The following COBLL1 variants were observed in gnomAD, a reference collection of about 807,000 sequenced individuals.
The protein encoded by COBLL1 is cordon-bleu protein-like 1.
In COBLL1, 50 loss-of-function variants were observed where a neutral mutation model predicts 94.8. The ratio of observed to expected loss-of-function variants is 0.53; its 90% CI spans 0.42 to 0.67. The LOEUF is 0.67. Among genes scored for constraint, COBLL1 ranks in the 30% least tolerant of loss-of-function variants. COBLL1 has a pLI of 0.00. For missense variants in COBLL1, 1,362 were observed against 1,348.7 expected, an observed-to-expected ratio of 1.01 and a Z score of -0.15; for synonymous variants, 448 against 473.8, an observed-to-expected ratio of 0.95 and a Z score of 0.71.
At chr2:164,833,521 G>C (rs1328232512) in intron 2 of COBLL1, among the ~76,000 whole-genome samples, 1 of 150,354 alleles carries the variant, frequency 6.7e-6, no homozygotes, top group East Asian at 2.0e-4. Flanking sequence ...CGTTATCCCG[G>C]CTCACTGCAA....
At chr2:164,802,624 T>C (rs1340652230) in intron 2 of COBLL1, among the ~76,000 whole-genome samples, 1 of 152,220 alleles carries the variant, frequency 6.6e-6, no homozygotes, top group African/African-American at 2.4e-5. Flanking sequence ...CTGATAAAGT[T>C]AGAACATACA....
At chr2:164,788,054 G>A (rs1399564696) in intron 2 of COBLL1, among the ~76,000 whole-genome samples, 1 of 152,086 alleles carries the variant, frequency 6.6e-6, no homozygotes, top group African/African-American at 2.4e-5. Context: ...TAGCAGTCCG[G>A]GTGACTAGAT....
chr2:164,831,426 CT>C (rs1239745297), intron 2 of COBLL1, among the ~76,000 whole-genome samples: 1 of 150,416 alleles, frequency 6.6e-6, no homozygotes, highest in Non-Finnish European at 1.5e-5. Context: ...TTAAATTTTA[CT>C]TAAGTTATCT....
At chr2:164,698,835 A>G (rs1384821606) in intron 11 of COBLL1, among the ~76,000 whole-genome samples, 2 of 152,042 alleles carry the variant, frequency 1.3e-5, no homozygotes, top group Non-Finnish European at 2.9e-5. Flanking sequence ...TCTTTCAGAC[A>G]AAGACAACAT....
At chr2:164,700,788 T>C (rs897432825) in intron 9 of COBLL1, 32 bp from the exon 10 acceptor site, 2 of 1,326,078 alleles carry the variant, frequency 1.5e-6, no homozygotes, top group Admixed American at 3.9e-5. Flanking sequence ...ATCCTAAATA[T>C]TAATTTGCCT....
intron 2 of COBLL1, among the ~76,000 whole-genome samples, chr2:164,748,394 C>A (rs1257571031): frequency 6.6e-6 from 1 of 151,992 alleles, no homozygotes; most frequent in Non-Finnish European, 1.5e-5. Context: ...AAAATTGTCA[C>A]CCAAAGTTAA....
intron 2 of COBLL1, among the ~76,000 whole-genome samples, chr2:164,820,534 A>G (rs1429096587): frequency 6.6e-6 from 1 of 152,208 alleles, no homozygotes. Context: ...TGTTAATTTC[A>G]TAATACACAA....
intron 2 of COBLL1, among the ~76,000 whole-genome samples, chr2:164,821,847 A>G (rs1000799965): frequency 1.4e-4 from 21 of 152,218 alleles, no homozygotes; most frequent in African/African-American, 5.1e-4. Flanking sequence ...TTATATTTCA[A>G]AAACGATGAT....
chr2:164,710,869 A>G (rs1684864738), intron 7 of COBLL1, among the ~76,000 whole-genome samples: 1 of 152,088 alleles, frequency 6.6e-6, no homozygotes, highest in Admixed American at 6.6e-5. Context: ...GGCCAGCAGC[A>G]GCATTCTTAA....
chr2:164,773,211 T>C (rs983843553), intron 2 of COBLL1, among the ~76,000 whole-genome samples: 2 of 152,118 alleles, frequency 1.3e-5, no homozygotes, highest in Middle Eastern at 3.4e-3. Context: ...GTTAGCTTCA[T>C]AGGGTTCTCA....
chr2:164,809,890 G>T (rs1684375368), intron 2 of COBLL1, among the ~76,000 whole-genome samples: 1 of 146,184 alleles, frequency 6.8e-6, no homozygotes, highest in Admixed American at 6.8e-5. Context: ...CACAATTCTG[G>T]TAATTATTTA....
chr2:164,805,336 T>TATATTTATATATATATA (rs1559033598), intron 2 of COBLL1, among the ~76,000 whole-genome samples: 1 of 60,354 alleles, frequency 1.7e-5, no homozygotes, highest in African/African-American at 6.4e-5. Flanking sequence ...TCTCTCTCTC[T>TATATTTATATATATATA]CTATATATAT....
At chr2:164,752,464 A>G (rs1011857900) in intron 2 of COBLL1, among the ~76,000 whole-genome samples, 2 of 149,854 alleles carry the variant, frequency 1.3e-5, no homozygotes, top group Non-Finnish European at 3.0e-5. Flanking sequence ...CAGGTAGTGA[A>G]GGAGAAAAAA....
intron 7 of COBLL1, chr2:164,718,392 G>T (rs756906828): frequency 5.5e-5 from 13 of 236,818 alleles, no homozygotes; most frequent in Non-Finnish European, 8.9e-5. Flanking sequence ...GAAAAGGGAA[G>T]CCCTTTATGA....
chr2:164,763,789 A>G (rs192053687), intron 2 of COBLL1, among the ~76,000 whole-genome samples: 107 of 152,368 alleles, frequency 7.0e-4, no homozygotes, highest in African/African-American at 2.5e-3. Context: ...TCAAGATAAA[A>G]ATAAAAATGA....
In COBLL1 at chr2:164,730,105, T is replaced by G. The variant is rs1455688989; in HGVS notation, c.241A>C (p.Met81Leu). 6.2e-7 allele frequency: 1 copy of G among 1,613,174 alleles called. No individual in the cohort carries two copies. The highest frequency in any genetic ancestry group is 8.5e-7 in the Non-Finnish European group (1 of 1,179,226). Residue 81 changes from methionine to leucine, a missense_variant, in exon 4 of 14, where the codon ATG (methionine) becomes CTG (leucine). Transcript: ENST00000652658. ...STTVHGSKPM[M>L]DLLIFLCAQY... ...GCACAAAGGAATATCAACAAGTCCA[T>G]CATAGGTTTACTGTAAAACAAGAGT...
At chr2:164,691,757 C>T (rs927557176) in intron 13 of COBLL1, among the ~76,000 whole-genome samples, 7 of 152,196 alleles carry the variant, frequency 4.6e-5, no homozygotes, top group African/African-American at 1.7e-4. Flanking sequence ...CTATCATCTA[C>T]ATTCTCTAGA....
chr2:164,698,883 A>C (rs1289762032), intron 11 of COBLL1, among the ~76,000 whole-genome samples: 2 of 152,034 alleles, frequency 1.3e-5, no homozygotes, highest in Non-Finnish European at 1.5e-5. Flanking sequence ...AGCAAATGAC[A>C]TCATGAGAAA....
At chr2:164,792,013 T>C (rs1311615235) in intron 2 of COBLL1, among the ~76,000 whole-genome samples, 1 of 152,092 alleles carries the variant, frequency 6.6e-6, no homozygotes, top group Non-Finnish European at 1.5e-5. Flanking sequence ...ATCCACAGCC[T>C]CTTTTGGTAA....
Sources: allele counts gnomAD v4.1 joint callset (sites outside exome capture counted in the v4.1 genomes callset), GRCh38; gene constraint gnomAD v4.1.1; transcripts MANE v1.5; gene names NCBI Gene and HGNC (gene_info 2026-07-23, HGNC 2026-07-21).